The following C21orf91 variants were observed in gnomAD, a reference collection of about 807,000 sequenced individuals.
The protein encoded by C21orf91 is protein EURL homolog.
In C21orf91, 26 loss-of-function variants were observed where a neutral mutation model predicts 32.9. The observed-to-expected ratio is 0.79, with a 90% CI of 0.58 to 1.10. The LOEUF is 1.10. Ranked by LOEUF, C21orf91 falls within the 50% of genes least tolerant of loss-of-function variation. C21orf91 has a pLI of 0.00. For synonymous variants in C21orf91, 126 were observed against 120.4 expected, an observed-to-expected ratio of 1.05 and a Z score of -0.31; for missense variants, 310 against 341.3, an observed-to-expected ratio of 0.91 and a Z score of 0.72.
chr21:17,802,467 C>T lies in C21orf91; in HGVS notation c.128-5349G>A, dbSNP rs543416230. On this transcript the variant is annotated intron_variant, in intron 2 of 4. Transcript: ENST00000284881. ...GCGTGTAATCCTGGGATCACAGTGG[C>T]GTGAGCCACTGTGCCTGGCCCACTG... Among the ~76,000 whole-genome samples the T allele has an allele frequency of 1.6e-4, 24 of 152,208 alleles. No individual in the cohort carries two copies. In the South Asian group the frequency reaches 4.2e-3, roughly 26 times the overall value.
intron 2 of C21orf91, among the ~76,000 whole-genome samples, chr21:17,810,076 A>T (rs964957828): frequency 1.3e-5 from 2 of 152,218 alleles, no homozygotes; most frequent in African/African-American, 4.8e-5. Flanking sequence ...GACAAATTGA[A>T]TTAGAATAAT....
rs543627295 is a variant in C21orf91 at position 17,807,231 on chromosome 21, C to T, written c.128-10113G>A. ...GTAACTGGATCATGGGAGCAAACTT[C>T]CCCCCTTGCTGTTCTCATGATAGTG... On this transcript the variant is annotated intron_variant, in intron 2 of 4. Coordinates refer to ENST00000284881, the MANE Select transcript of C21orf91 (RefSeq NM_001100420.2). Among the ~76,000 whole-genome samples, 213 of 152,212 alleles carry T rather than the reference C, an allele frequency of 1.4e-3. 2 individuals carry two copies. Among genetic ancestry groups the T allele is most frequent in the Admixed American group, 4.3e-3 (65 of 15,284 alleles).
intron 2 of C21orf91, among the ~76,000 whole-genome samples, chr21:17,801,898 T>C (rs980346518): frequency 1.3e-5 from 2 of 152,192 alleles, no homozygotes; most frequent in Non-Finnish European, 2.9e-5. Flanking sequence ...ATATAGGCTG[T>C]ATTTCTGTAT....
chr21:17,798,190 T>A (rs941831352), intron 2 of C21orf91, among the ~76,000 whole-genome samples: 1 of 152,118 alleles, frequency 6.6e-6, no homozygotes, highest in African/African-American at 2.4e-5. Flanking sequence ...CAGAAAAAAA[T>A]ACATTTTGTA....
chr21:17,793,636 T>C, intron 4 of C21orf91, 55 bp from the exon 5 acceptor site: 1 of 1,198,712 alleles, frequency 8.3e-7, no homozygotes, highest in Non-Finnish European at 1.2e-6. Context: ...GGTGCTATGA[T>C]TTATATTTCA....
chr21:17,806,325 T>C (rs1296920194), intron 2 of C21orf91, among the ~76,000 whole-genome samples: 1 of 152,032 alleles, frequency 6.6e-6, no homozygotes, highest in East Asian at 1.9e-4. Flanking sequence ...GGAGGAGAAA[T>C]AAGAGACCCT....
intron 2 of C21orf91, chr21:17,810,538 C>T (rs1016259352): frequency 5.3e-5 from 8 of 152,246 alleles, no homozygotes; most frequent in Non-Finnish European, 1.5e-5. Context: ...CAAAAGGGAG[C>T]TGCTATGCAA....
chr21:17,797,560 A>C (rs1225727116), intron 2 of C21orf91, among the ~76,000 whole-genome samples: 1 of 151,516 alleles, frequency 6.6e-6, no homozygotes, highest in Non-Finnish European at 1.5e-5. Flanking sequence ...ACAGTAAATC[A>C]TGTTCTTAAA....
At chr21:17,809,423 A>G (rs189139632) in intron 2 of C21orf91, among the ~76,000 whole-genome samples, 1 of 152,186 alleles carries the variant, frequency 6.6e-6, no homozygotes, top group Non-Finnish European at 1.5e-5. Flanking sequence ...TAATCTTGAA[A>G]CACTCCTCCC....
chr21:17,802,837 T>G (rs1213338490), intron 2 of C21orf91, among the ~76,000 whole-genome samples: 2 of 152,224 alleles, frequency 1.3e-5, no homozygotes, highest in Non-Finnish European at 2.9e-5. Context: ...CTCACACTTT[T>G]TGTGGTCAAT....
In C21orf91 at chr21:17,819,285, G is replaced by C. The variant is rs1284140532; in HGVS notation, c.-8+18C>G. ...TCGGGGCTCAGGTGGGATGGGAGCA[G>C]GGCTGCGGGGTCTTTACCGTCCGGC... On this transcript the variant is annotated intron_variant, in intron 1 of 4. Transcript: ENST00000284881. 6.6e-6 allele frequency: 1 copy of C among 152,514 alleles called. No homozygotes were observed. Among genetic ancestry groups the C allele is most frequent in the Non-Finnish European group, 1.5e-5 (1 of 68,274 alleles). The allele number at this position is 152,514 out of a possible 1,614,324, so 9.4% of individuals were successfully genotyped here. A position where few individuals can be genotyped will look rare whatever the true frequency, so the allele number is the denominator to read the frequency against.
At chr21:17,816,087 T>A (rs942501112) in intron 2 of C21orf91, among the ~76,000 whole-genome samples, 6 of 152,242 alleles carry the variant, frequency 3.9e-5, no homozygotes, top group Non-Finnish European at 8.8e-5. Flanking sequence ...TAATTTTTCT[T>A]ACAAAGATTA....
chr21:17,810,071 A>G (rs770471958), intron 2 of C21orf91, among the ~76,000 whole-genome samples: 2 of 152,210 alleles, frequency 1.3e-5, no homozygotes, highest in Non-Finnish European at 2.9e-5. Context: ...GGTATGACAA[A>G]TTGAATTAGA....
At chr21:17,809,462 A>G (rs1448095909) in intron 2 of C21orf91, among the ~76,000 whole-genome samples, 1 of 152,128 alleles carries the variant, frequency 6.6e-6, no homozygotes, top group Non-Finnish European at 1.5e-5. Context: ...TCCTCAATGT[A>G]TGGGCTCTAA....
intron 2 of C21orf91, among the ~76,000 whole-genome samples, chr21:17,807,570 G>A (rs1568754340): frequency 6.6e-6 from 1 of 152,222 alleles, no homozygotes; most frequent in Admixed American, 6.5e-5. Context: ...GAAGAAGATA[G>A]GATGATAAGG....
chr21:17,791,231 T>C lies in C21orf91; in HGVS notation c.*2184A>G, dbSNP rs1357338104. On this transcript the variant is annotated 3_prime_UTR_variant, in exon 5 of 5. Coordinates refer to ENST00000284881, the MANE Select transcript of C21orf91 (RefSeq NM_001100420.2). ...AAAAGTTTTTTTTACTAGGAACTCA[T>C]CCAAATAAAGTAGTGTGAGTACCAG... The C allele has an allele frequency of 1.3e-5, 2 of 152,146 alleles. No homozygotes were observed. The highest frequency in any genetic ancestry group is 2.9e-5 in the Non-Finnish European group (2 of 67,972). The allele number at this position is 152,146 out of a possible 1,614,324, so 9.4% of individuals were successfully genotyped here. A position where few individuals can be genotyped will look rare whatever the true frequency, so the allele number is the denominator to read the frequency against.
At position 17,790,003 on chromosome 21, in the gene C21orf91, C is replaced by T. The variant is rs763745585; in HGVS notation, c.*3412G>A. 5.3e-5 allele frequency: 8 copies of T among 152,048 alleles called. No homozygotes were observed. The highest frequency in any genetic ancestry group is 7.4e-5 in the Non-Finnish European group (5 of 67,962). 9.4% of individuals were successfully genotyped at this position (152,048 alleles called of 1,614,324 possible). ...ACAAAAAGTATTAACTTTTTTATAG[C>T]GTATTACACTTCTTAATAAGCACTT... On this transcript the variant is annotated 3_prime_UTR_variant, in exon 5 of 5. Coordinates refer to ENST00000284881, the MANE Select transcript of C21orf91 (RefSeq NM_001100420.2).
At chr21:17,794,671 C>T (rs548775813) in intron 4 of C21orf91, among the ~76,000 whole-genome samples, 8 of 152,108 alleles carry the variant, frequency 5.3e-5, no homozygotes, top group Non-Finnish European at 8.8e-5. Flanking sequence ...ATATCACATG[C>T]CTTAAAGAAC....
At chr21:17,797,414 T>G (rs2062528237) in intron 2 of C21orf91, among the ~76,000 whole-genome samples, 2 of 152,038 alleles carry the variant, frequency 1.3e-5, no homozygotes, top group South Asian at 2.1e-4. Context: ...ACCCAGCAAT[T>G]TACCTTTACA....
Sources: gnomAD v4.1 joint callset for allele counts (sites outside exome capture counted in the v4.1 genomes callset) on GRCh38, gnomAD v4.1.1 for gene constraint, MANE v1.5 for transcripts, NCBI Gene and HGNC (gene_info 2026-07-23, HGNC 2026-07-21) for gene names.